SLC35F4: variants seen among roughly 807,000 people sequenced by gnomAD.
SLC35F4 encodes the protein chromosome 14 open reading frame 36.
In SLC35F4, 24 loss-of-function variants were observed where a neutral mutation model predicts 44.2. The observed-to-expected ratio is 0.54, with a 90% CI of 0.39 to 0.76. The LOEUF (loss-of-function observed/expected upper bound fraction) is 0.76, where lower values mean the gene tolerates loss of function less well. Ranked by LOEUF, SLC35F4 falls within the 30% of genes least tolerant of loss-of-function variation. SLC35F4 has a pLI of 0.00. For missense variants in SLC35F4, 562 were observed against 586.1 expected (o/e 0.96, Z 0.42); for synonymous variants, 238 against 223.6 (o/e 1.06, Z -0.57).
intron 1 of SLC35F4, among the ~76,000 whole-genome samples, chr14:57,830,731 T>C (rs2140935317): frequency 6.6e-6 from 1 of 152,268 alleles, no homozygotes; most frequent in Admixed American, 6.5e-5. Context: ...ACCAACTTTA[T>C]CTATGAGGAG....
intron 1 of SLC35F4, among the ~76,000 whole-genome samples, chr14:57,635,540 G>T (rs1441198025): frequency 6.6e-6 from 1 of 152,050 alleles, no homozygotes; most frequent in Non-Finnish European, 1.5e-5. Flanking sequence ...AATTGTCACA[G>T]GTTTGAGTGA....
intron 1 of SLC35F4, among the ~76,000 whole-genome samples, chr14:57,892,975 T>C (rs1888801878): frequency 6.6e-6 from 1 of 152,220 alleles, no homozygotes; most frequent in Non-Finnish European, 1.5e-5. Context: ...TAGTTTATAT[T>C]ACCCTATTTC....
chr14:57,870,874 C>G (rs909003091), upstream of SLC35F4, among the ~76,000 whole-genome samples: 1 of 152,208 alleles, frequency 6.6e-6, no homozygotes, highest in Admixed American at 6.5e-5. Flanking sequence ...GTAATGATCA[C>G]GTGAGGCAGA....
chr14:57,736,137 G>A (rs551458993), intron 1 of SLC35F4, among the ~76,000 whole-genome samples: 1 of 152,304 alleles, frequency 6.6e-6, no homozygotes, highest in African/African-American at 2.4e-5. Flanking sequence ...GTGGAATAAA[G>A]TGTCTTGCCC....
intron 1 of SLC35F4, among the ~76,000 whole-genome samples, chr14:57,741,912 C>T (rs533207605): frequency 6.6e-6 from 1 of 152,104 alleles, no homozygotes; most frequent in Non-Finnish European, 1.5e-5. Context: ...GAGTGGGGGC[C>T]AATATTCAAC....
chr14:57,572,068 C>G, intron 4 of SLC35F4, 49 bp from the exon 5 acceptor site: 2 of 1,578,362 alleles, frequency 1.3e-6, no homozygotes, highest in East Asian at 2.3e-5. Flanking sequence ...CCCTCTGTAT[C>G]CTAGAGCAGG....
chr14:57,597,149 C>A (rs2070541347), intron 1 of SLC35F4, among the ~76,000 whole-genome samples: 1 of 152,164 alleles, frequency 6.6e-6, no homozygotes, highest in Admixed American at 6.5e-5. Context: ...GTTTTGTATG[C>A]AACAATGAGT....
intron 1 of SLC35F4, among the ~76,000 whole-genome samples, chr14:57,838,603 A>ATC (rs1885177099): frequency 6.6e-6 from 1 of 152,202 alleles, no homozygotes; most frequent in Non-Finnish European, 1.5e-5. Flanking sequence ...CTATATATAT[A>ATC]AAAGCAAGGA....
rs1024462447 is a variant in SLC35F4, at chr14:57,669,659, C to G, written c.104-75535G>C. On this transcript the variant is annotated intron_variant, in intron 1 of 7. Coordinates refer to ENST00000556826, the MANE Select transcript of SLC35F4 (RefSeq NM_001306087.2). ...TATTGATTTGCATCTGTTGAACCAG[C>G]CTTGCATCCCAGGGATGAAGCCCAC... is the stretch of plus-strand genomic sequence containing the variant. Among the ~76,000 whole-genome samples the G allele has an allele frequency of 3.9e-5, 6 of 152,072 alleles. 1 individual carries two copies. Among genetic ancestry groups the G allele is most frequent in the African/African-American group, 1.2e-4 (5 of 41,340 alleles).
chr14:57,589,495 G>A lies in SLC35F4; in HGVS notation c.308C>T (p.Thr103Ile). Residue 103 changes from threonine (T) to isoleucine (I), a missense_variant, in exon 3 of 8, where the codon ACT (threonine) becomes ATT (isoleucine). Coordinates refer to ENST00000556826, the MANE Select transcript of SLC35F4 (RefSeq NM_001306087.2). ...TTCTTGGCTGCTGTTCTCAGAATGAGTCTGTGTCCCATCGTCTGCTGGAAA... is the reference window on the plus strand; with the variant it reads ...TTCTTGGCTGCTGTTCTCAGAATGAATCTGTGTCCCATCGTCTGCTGGAAA... ...QNRSADDGTQ[T>I]HSENSSQENR... 1.2e-6 allele frequency: 2 copies of A among 1,610,334 alleles called. No individual in the cohort carries two copies. The highest frequency in any genetic ancestry group is 8.5e-7 in the Non-Finnish European group (1 of 1,178,484).
intron 1 of SLC35F4, among the ~76,000 whole-genome samples, chr14:57,815,427 C>T (rs1464739844): frequency 1.3e-5 from 2 of 152,114 alleles, no homozygotes; most frequent in African/African-American, 4.8e-5. Context: ...GCATCTAAGT[C>T]GTGTACAGAA....
At chr14:57,931,315 C>G (rs1450702042) in intron 1 of SLC35F4, among the ~76,000 whole-genome samples, 1 of 152,204 alleles carries the variant, frequency 6.6e-6, no homozygotes, top group Non-Finnish European at 1.5e-5. Context: ...ATACATCATA[C>G]ATCATCAACT....
intron 1 of SLC35F4, among the ~76,000 whole-genome samples, chr14:57,931,024 A>G (rs548660652): frequency 3.3e-4 from 50 of 152,350 alleles, no homozygotes; most frequent in African/African-American, 1.1e-3. Flanking sequence ...AAAATGAAGT[A>G]TTAAAGTGTA....
rs201046603 is a variant in SLC35F4, at chr14:57,756,821, A to ATT, written c.103+108900_103+108901dup. On this transcript the variant is annotated intron_variant, in intron 1 of 7. Coordinates refer to ENST00000556826, the MANE Select transcript of SLC35F4 (RefSeq NM_001306087.2). ...AGGCATGCACCACCAAATCTGCCTA[A>ATT]TTTTTTTTTTTTTAATTTTTTGTAG... Among the ~76,000 whole-genome samples, 78 of 146,230 alleles carry ATT rather than the reference A, an allele frequency of 5.3e-4. 1 individual carries two copies. Among genetic ancestry groups the ATT allele is most frequent in the Non-Finnish European group, 8.0e-4 (53 of 66,358 alleles).
At chr14:57,771,689 G>A (rs2077368844) in intron 1 of SLC35F4, among the ~76,000 whole-genome samples, 1 of 152,168 alleles carries the variant, frequency 6.6e-6, no homozygotes, top group African/African-American at 2.4e-5. Context: ...TGCCTTCTGG[G>A]CTTGAGTGAT....
chr14:57,748,219 C>A (rs2140546607), intron 1 of SLC35F4, among the ~76,000 whole-genome samples: 1 of 152,200 alleles, frequency 6.6e-6, no homozygotes, highest in African/African-American at 2.4e-5. Context: ...TTAGAAAAAT[C>A]AAGAATATAG....
At chr14:57,611,696 C>T (rs986351186) in intron 1 of SLC35F4, among the ~76,000 whole-genome samples, 16 of 152,100 alleles carry the variant, frequency 1.1e-4, no homozygotes, top group African/African-American at 3.9e-4. Context: ...CAATAAGGAC[C>T]TCCCAGGTGA....
At chr14:57,686,006 T>C (rs946637121) in intron 1 of SLC35F4, among the ~76,000 whole-genome samples, 3 of 152,298 alleles carry the variant, frequency 2.0e-5, no homozygotes, top group African/African-American at 4.8e-5. Context: ...GTACATGATC[T>C]TCAACACATG....
chr14:57,805,155 C>A (rs1881153831), intron 1 of SLC35F4, among the ~76,000 whole-genome samples: 1 of 152,172 alleles, frequency 6.6e-6, no homozygotes, highest in African/African-American at 2.4e-5. Flanking sequence ...AAAAGGAATA[C>A]TTTTACACTG....
Sources: allele counts gnomAD v4.1 joint callset (sites outside exome capture counted in the v4.1 genomes callset), GRCh38; gene constraint gnomAD v4.1.1; transcripts MANE v1.5; gene names NCBI Gene and HGNC (gene_info 2026-07-23, HGNC 2026-07-21).